The following TTLL11 variants were observed in gnomAD, a reference collection of about 807,000 sequenced individuals.
The protein encoded by TTLL11 is tubulin tyrosine ligase like 11, also known as tubulin polyglutamylase TTLL11.
In TTLL11, 42 loss-of-function variants were observed where a neutral mutation model predicts 51.7. The ratio of observed to expected loss-of-function variants is 0.81; its 90% CI spans 0.64 to 1.05. The LOEUF is 1.05. TTLL11 is among the 50% of genes least tolerant of loss of function. TTLL11 has a pLI of 0.00. For missense variants in TTLL11, 799 were observed against 940.4 expected (o/e 0.85, Z 1.97); for synonymous variants, 381 against 383.5 (o/e 0.99, Z 0.08).
intron 6 of TTLL11, among the ~76,000 whole-genome samples, chr9:121,874,259 A>G (rs1397362551): frequency 6.6e-6 from 1 of 152,138 alleles, no homozygotes; most frequent in Non-Finnish European, 1.5e-5. Flanking sequence ...CCAGCCTCCC[A>G]ATATCTTGGG....
chr9:121,844,300 A>C lies in TTLL11; in HGVS notation c.1840+16037T>G, dbSNP rs182580303. Among the ~76,000 whole-genome samples the C allele has an allele frequency of 8.8e-3, 1,332 of 151,672 alleles. 8 individuals carry two copies. Among genetic ancestry groups the C allele is most frequent in the Non-Finnish European group, 0.012 (836 of 68,034 alleles). Reference sequence around the variant, plus strand: ...ATACGAAGGCAATAGGGAGAGAAAAAAAAACAAAACAAAAAAAACAATTGG... The same window carrying C: ...ATACGAAGGCAATAGGGAGAGAAAACAAAACAAAACAAAAAAAACAATTGG... On this transcript the variant is annotated intron_variant, in intron 8 of 8. Transcript: ENST00000321582.
intron 8 of TTLL11, among the ~76,000 whole-genome samples, chr9:121,823,589 C>G (rs1287067301): frequency 6.6e-6 from 1 of 152,138 alleles, no homozygotes; most frequent in African/African-American, 2.4e-5. Flanking sequence ...CTTTTATAAT[C>G]AGGGAACAAG....
chr9:122,026,267 A>G (rs1392828479), intron 3 of TTLL11, among the ~76,000 whole-genome samples: 2 of 151,946 alleles, frequency 1.3e-5, no homozygotes, highest in African/African-American at 2.4e-5. Context: ...GGTGAAACCC[A>G]TCTGTAATAA....
chr9:122,004,978 T>A (rs1472574349), intron 3 of TTLL11, among the ~76,000 whole-genome samples: 1 of 152,184 alleles, frequency 6.6e-6, no homozygotes, highest in African/African-American at 2.4e-5. Context: ...TTTTGGCATT[T>A]CTAAAGGGTT....
chr9:121,884,764 G>T (rs891684561), intron 6 of TTLL11: 1 of 152,290 alleles, frequency 6.6e-6, no homozygotes, highest in Non-Finnish European at 1.5e-5. Context: ...GAGACAGGGG[G>T]CACTTCACTT....
At chr9:121,843,676 T>C (rs1837428704) in intron 8 of TTLL11, among the ~76,000 whole-genome samples, 1 of 151,938 alleles carries the variant, frequency 6.6e-6, no homozygotes, top group Non-Finnish European at 1.5e-5. Flanking sequence ...TTTTTTGTTA[T>C]TATTATTATT....
chr9:121,860,382 T>C lies in TTLL11; in HGVS notation c.1795A>G (p.Ile599Val), dbSNP rs1473316788. 9.7e-6 allele frequency: 15 copies of C among 1,551,428 alleles called. No individual in the cohort carries two copies. Among genetic ancestry groups the C allele is most frequent in the African/African-American group, 9.6e-5 (7 of 73,044 alleles). ...MAAVDILYIDITRRWNSMTLD... is the reference protein window; with the variant it reads ...MAAVDILYIDVTRRWNSMTLD... ...GTCATGGAGTTCCACCTCCGTGTGA[T>C]GTCAATGTAGAGGATGTCCACGGCA... Residue 599 changes from isoleucine (I) to valine (V), a missense_variant, in exon 8 of 9, where the codon ATC becomes GTC. Coordinates refer to ENST00000321582, the MANE Select transcript of TTLL11 (RefSeq NM_001139442.2).
chr9:121,888,906 C>T (rs1290223922), intron 6 of TTLL11, among the ~76,000 whole-genome samples: 1 of 152,252 alleles, frequency 6.6e-6, no homozygotes, highest in East Asian at 1.9e-4. Context: ...CAGGCAGGAA[C>T]TATCAGCCCA....
At chr9:122,090,975 C>T (rs1425779443) in intron 1 of TTLL11, among the ~76,000 whole-genome samples, 1 of 152,108 alleles carries the variant, frequency 6.6e-6, no homozygotes, top group Non-Finnish European at 1.5e-5. Context: ...GTGTTTTATT[C>T]CCTATTGAAC....
intron 6 of TTLL11, among the ~76,000 whole-genome samples, chr9:121,936,140 A>G (rs1337393889): frequency 1.3e-5 from 2 of 152,220 alleles, no homozygotes; most frequent in African/African-American, 2.4e-5. Flanking sequence ...AAGACTCACA[A>G]TGGTGGAGTG....
At position 121,816,300 on chromosome 9, in the gene TTLL11, G is replaced by C. The variant is rs7873752; in HGVS notation, c.*6287C>G. 0.33 allele frequency: 50,128 copies of C among 152,004 alleles called. 8,392 individuals carry two copies. The highest frequency in any genetic ancestry group is 0.43 in the East Asian group (2,235 of 5,156). The allele number at this position is 152,004 out of a possible 1,614,324, so 9.4% of individuals were successfully genotyped here. A position where few individuals can be genotyped will look rare whatever the true frequency, so the allele number is the denominator to read the frequency against. The stretch of plus-strand genomic sequence containing the variant: ...ATCCCTGCGGTCTGCGAGGGGCTTG[G>C]GGGAGCAGTCAGTGTTCTGTGGCCC... On this transcript the variant is annotated 3_prime_UTR_variant, in exon 9 of 9. Transcript: ENST00000321582.
rs528043617 is a variant in TTLL11, at chr9:122,029,463, C to T, written c.693+2260G>A. Among the ~76,000 whole-genome samples, 14 of 151,830 alleles carry T rather than the reference C, an allele frequency of 9.2e-5. No individual in the cohort carries two copies. The South Asian group carries it at 1.5e-3, about 16-fold the overall frequency. On this transcript the variant is annotated intron_variant, in intron 3 of 8. Coordinates refer to ENST00000321582, the MANE Select transcript of TTLL11 (RefSeq NM_001139442.2). ...GATCCTGACCCCGTGTAGGCCTAGG[C>T]GAAGGTATGTGTTTGTGTCTTGGTT...
rs117366315 is a variant in TTLL11, at chr9:121,861,425, C to T, written c.1734-982G>A. Among the ~76,000 whole-genome samples the T allele has an allele frequency of 5.5e-3, 832 of 152,070 alleles. 3 individuals are homozygous for T. Among genetic ancestry groups the T allele is most frequent in the Non-Finnish European group, 8.1e-3 (554 of 67,986 alleles). ...GCCTGGCTCTGCCACTTGGAAGCTGCATGGCCCTGGTTAAAACATTTCACC... is the reference window on the plus strand; with the variant it reads ...GCCTGGCTCTGCCACTTGGAAGCTGTATGGCCCTGGTTAAAACATTTCACC... On this transcript the variant is annotated intron_variant, in intron 7 of 8. Coordinates refer to ENST00000321582, the MANE Select transcript of TTLL11 (RefSeq NM_001139442.2).
At chr9:121,957,193 C>T (rs1446117650) in intron 6 of TTLL11, among the ~76,000 whole-genome samples, 9 of 152,076 alleles carry the variant, frequency 5.9e-5, no homozygotes, top group African/African-American at 1.2e-4. Context: ...TTCCTCAAAC[C>T]GGCTAGCCAG....
Position 121,965,814 on chromosome 9 carries a change from T to G in TTLL11, c.1481+8195A>C, listed in dbSNP as rs1382458082. 5.9e-5 allele frequency among the ~76,000 whole-genome samples: 9 copies of G among 152,234 alleles called. No homozygotes were observed. The South Asian group carries it at 1.0e-3, about 18-fold the overall frequency. ...AATTTAAGGGGCAGGGTTCTGGGTCTGGAGAATTTCTGATTAATATTTCTC... is the reference window on the plus strand; with the variant it reads ...AATTTAAGGGGCAGGGTTCTGGGTCGGGAGAATTTCTGATTAATATTTCTC... On this transcript the variant is annotated intron_variant, in intron 6 of 8. Coordinates refer to ENST00000321582, the MANE Select transcript of TTLL11 (RefSeq NM_001139442.2).
chr9:121,969,946 ATAATCCCTTACATATAAACACACTT>A (rs1394503690), intron 6 of TTLL11, among the ~76,000 whole-genome samples: 7 of 152,252 alleles, frequency 4.6e-5, no homozygotes, highest in Admixed American at 3.9e-4. Context: ...CAAAATGATC[ATAATCCCTTACATATAAACACACTT>A]TATGGATTAC....
intron 3 of TTLL11, among the ~76,000 whole-genome samples, chr9:122,006,608 G>A (rs1052658806): frequency 2.6e-5 from 4 of 152,124 alleles, no homozygotes; most frequent in African/African-American, 9.7e-5. Context: ...ATAGGTAGTG[G>A]TAGCATCTGA....
At chr9:121,964,465 T>C (rs1428403841) in intron 6 of TTLL11, among the ~76,000 whole-genome samples, 1 of 152,044 alleles carries the variant, frequency 6.6e-6, no homozygotes, top group Non-Finnish European at 1.5e-5. Flanking sequence ...GCCTGGCTAA[T>C]TTTTATATTT....
chr9:121,873,830 A>ATTT (rs1838456752), intron 6 of TTLL11, among the ~76,000 whole-genome samples: 2 of 69,872 alleles, frequency 2.9e-5, no homozygotes, highest in African/African-American at 1.8e-4. Context: ...CATTAGCCTG[A>ATTT]CTTTTTTTTT....
Sources: allele counts gnomAD v4.1 joint callset (sites outside exome capture counted in the v4.1 genomes callset), GRCh38; gene constraint gnomAD v4.1.1; transcripts MANE v1.5; gene names NCBI Gene and HGNC (gene_info 2026-07-23, HGNC 2026-07-21).